The following MEGF6 variants were observed in gnomAD, a reference collection of about 807,000 sequenced individuals.
MEGF6 encodes the protein multiple EGF like domains 6, also known as multiple epidermal growth factor-like domains protein 6.
MEGF6 carries 184 observed loss-of-function variants against 207.1 expected under a neutral mutation model. That is an observed-to-expected ratio of 0.89 (90% CI 0.79 to 1.00). MEGF6 has a LOEUF of 1.00. MEGF6 is among the 50% of genes least tolerant of loss of function. The probability of loss-of-function intolerance (pLI) is 0.00; values close to 1 mark genes in which losing one functional copy is unlikely to be tolerated. For synonymous variants in MEGF6, 1,038 were observed against 910.0 expected (o/e 1.14, Z -2.53); for missense variants, 2,282 against 2,202.9 (o/e 1.04, Z -0.72).
At position 3,501,023 on chromosome 1, in the gene MEGF6, G is replaced by A. The variant is rs554030403; in HGVS notation, c.2518C>T (p.Pro840Ser). 1.2e-6 allele frequency: 2 copies of A among 1,612,664 alleles called. No individual in the cohort carries two copies. Among genetic ancestry groups the A allele is most frequent in the East Asian group, 2.2e-5 (1 of 44,878 alleles). Reference sequence around the variant, plus strand: ...GCACAGCTGCAGTGTCCGGTGGCTGGGTGGCAGTGCCCATCATTGGCACAA... The same window carrying A: ...GCACAGCTGCAGTGTCCGGTGGCTGAGTGGCAGTGCCCATCATTGGCACAA... ...CSCANDGHCH[P>S]ATGHCSCAPG... The change falls in exon 20 of 37, where the codon CCA becomes TCA. Residue 840 changes from proline (P) to serine (S), a missense_variant. Transcript: ENST00000356575.
intron 35 of MEGF6, among the ~76,000 whole-genome samples, chr1:3,491,532 G>A (rs1475717948): frequency 6.6e-6 from 1 of 151,924 alleles, no homozygotes; most frequent in Non-Finnish European, 1.5e-5. Context: ...TCTGCAGCCA[G>A]GACTGCCTTA....
At chr1:3,525,138 C>T (rs115852179) in intron 4 of MEGF6, among the ~76,000 whole-genome samples, 2,737 of 152,302 alleles carry the variant, frequency 0.018, 36 homozygotes, top group East Asian at 0.062. Flanking sequence ...ACAGGCTCCC[C>T]GTGCAAGGAC....
chr1:3,595,327 G>A lies in MEGF6; in HGVS notation c.376+11C>T. On this transcript the variant is annotated intron_variant, in intron 3 of 36. Transcript: ENST00000356575. Reference sequence around the variant, plus strand: ...GTGGAGGGAGGGCGGGGAGGCGCAGGCGGCACTCACCCGAGAGGCAGCCCT... The same window carrying A: ...GTGGAGGGAGGGCGGGGAGGCGCAGACGGCACTCACCCGAGAGGCAGCCCT... 3.8e-6 allele frequency: 6 copies of A among 1,598,868 alleles called. No homozygotes were observed. Among genetic ancestry groups the A allele is most frequent in the South Asian group, 1.1e-5 (1 of 90,746 alleles).
chr1:3,621,319 A>T, the MEGF6 span, among the ~76,000 whole-genome samples: 1 of 152,210 alleles, frequency 6.6e-6, no homozygotes, highest in African/African-American at 2.4e-5. Flanking sequence ...CGCTGGTGTT[A>T]CCGCTAGACC....
intron 28 of MEGF6, 30 bp downstream of exon 28, chr1:3,496,958 A>G: frequency 6.5e-7 from 1 of 1,545,340 alleles, no homozygotes; most frequent in Non-Finnish European, 8.7e-7. Flanking sequence ...AGCACTGCCG[A>G]GTCCCTGGGT....
intron 2 of MEGF6, among the ~76,000 whole-genome samples, chr1:3,601,372 G>A (rs1282727934): frequency 2.6e-5 from 4 of 152,248 alleles, no homozygotes; most frequent in Non-Finnish European, 4.4e-5. Context: ...CCGCATCCAC[G>A]CATGGGTGAC....
At chr1:3,537,181 G>C (rs1329589485) in intron 4 of MEGF6, among the ~76,000 whole-genome samples, 1 of 152,228 alleles carries the variant, frequency 6.6e-6, no homozygotes, top group Non-Finnish European at 1.5e-5. Flanking sequence ...GGCCCAAGGG[G>C]GCCAAGGCCC....
At chr1:3,548,290 T>C (rs1642780065) in intron 4 of MEGF6, among the ~76,000 whole-genome samples, 1 of 152,158 alleles carries the variant, frequency 6.6e-6, no homozygotes, top group Non-Finnish European at 1.5e-5. Flanking sequence ...CGGGGGCATT[T>C]CTCTCTGCAC....
chr1:3,535,185 G>T (rs774277469), intron 4 of MEGF6, among the ~76,000 whole-genome samples: 1 of 152,144 alleles, frequency 6.6e-6, no homozygotes, highest in South Asian at 2.1e-4. Context: ...GTGTCACCGC[G>T]ACGGTGCCCG....
chr1:3,587,853 G>GGGCCAGGAGGGGACAGGAGT (rs1207726679), intron 3 of MEGF6, among the ~76,000 whole-genome samples: 1 of 137,362 alleles, frequency 7.3e-6, no homozygotes. Flanking sequence ...GGGACAGGAG[G>GGGCCAGGAGGGGACAGGAGT]GGCCAGGAGG....
At chr1:3,577,572 G>A (rs1052812471) in intron 4 of MEGF6, among the ~76,000 whole-genome samples, 31 of 152,360 alleles carry the variant, frequency 2.0e-4, no homozygotes, top group Admixed American at 1.4e-3. Context: ...AGCCAGGAGG[G>A]AGCTCCCAGC....
At chr1:3,507,628 T>C (rs1162962662) in intron 14 of MEGF6, among the ~76,000 whole-genome samples, 167 bp downstream of exon 14, 2 of 152,100 alleles carry the variant, frequency 1.3e-5, no homozygotes, top group Non-Finnish European at 2.9e-5. Context: ...AGCCTAAAGC[T>C]CTGGAGACAG....
Position 3,608,092 on chromosome 1 carries a change from C to T in MEGF6, c.131+3046G>A, listed in dbSNP as rs12059331. ...GGAGGGCGGGGCTCGCTCAGGCCAA[C>T]GGCCTCGCGCTTATTTTTAAAGGCT... is the stretch of plus-strand genomic sequence containing the variant. On this transcript the variant is annotated intron_variant, in intron 1 of 36. Coordinates refer to ENST00000356575, the MANE Select transcript of MEGF6 (RefSeq NM_001409.4). Among the ~76,000 whole-genome samples, 440 of 152,058 alleles carry T rather than the reference C, an allele frequency of 2.9e-3. 1 individual carries two copies. Among genetic ancestry groups the T allele is most frequent in the African/African-American group, 1.0e-2 (415 of 41,526 alleles).
chr1:3,511,496 C>T lies in MEGF6; in HGVS notation c.1114+54G>A, dbSNP rs868361333. The T allele has an allele frequency of 3.2e-6, 5 of 1,551,362 alleles. No individual in the cohort carries two copies. The Middle Eastern group carries it at 9.8e-4, about 303-fold the overall frequency. ...CATGGAACTGATCCCAGACCCAGGG[C>T]AGCAGCGGGTCCCTGGAGTGGGGTG... On this transcript the variant is annotated intron_variant, in intron 9 of 36. Transcript: ENST00000356575.
chr1:3,496,134 G>T, intron 29 of MEGF6, 116 bp from the exon 30 acceptor site: 1 of 1,381,078 alleles, frequency 7.2e-7, no homozygotes, highest in Non-Finnish European at 9.5e-7. Context: ...GTCTGCCCCA[G>T]ACAGGGTGGG....
intron 21 of MEGF6, among the ~76,000 whole-genome samples, chr1:3,500,342 C>T (rs933459927): frequency 2.6e-5 from 4 of 152,248 alleles, no homozygotes; most frequent in Non-Finnish European, 5.9e-5. Context: ...GAGCCTGGTG[C>T]AGGTCGGTGA....
At chr1:3,564,426 A>C (rs1363244564) in intron 4 of MEGF6, among the ~76,000 whole-genome samples, 1 of 152,058 alleles carries the variant, frequency 6.6e-6, no homozygotes, top group Non-Finnish European at 1.5e-5. Context: ...ACTGCATTGT[A>C]AGACCCATGG....
intron 4 of MEGF6, chr1:3,531,034 A>G: frequency 6.9e-7 from 1 of 1,440,034 alleles, no homozygotes; most frequent in Non-Finnish European, 9.1e-7. Context: ...CGCGCCGGGG[A>G]GCGCCCTGGC....
intron 4 of MEGF6, among the ~76,000 whole-genome samples, chr1:3,577,157 G>A (rs1304798370): frequency 6.6e-6 from 1 of 152,178 alleles, no homozygotes; most frequent in Non-Finnish European, 1.5e-5. Context: ...TCTTCCGAGA[G>A]AGTGACCAGC....
Sources: gnomAD v4.1 joint callset for allele counts (sites outside exome capture counted in the v4.1 genomes callset) on GRCh38, gnomAD v4.1.1 for gene constraint, MANE v1.5 for transcripts, NCBI Gene and HGNC (gene_info 2026-07-23, HGNC 2026-07-21) for gene names.